The following PTPRN2 variants were observed in gnomAD, a reference collection of about 807,000 sequenced individuals.
The protein encoded by PTPRN2 is receptor-type tyrosine-protein phosphatase N2.
A neutral mutation model predicts 118.8 loss-of-function variants in PTPRN2; 74 were observed. The ratio of observed to expected loss-of-function variants is 0.62; its 90% CI spans 0.52 to 0.76. PTPRN2 has a LOEUF of 0.76. PTPRN2 is among the 30% of genes least tolerant of loss of function. The pLI, the probability that PTPRN2 is intolerant of heterozygous loss-of-function variation, is 0.00. For synonymous variants in PTPRN2, 641 were observed against 608.0 expected (o/e 1.05, Z -0.80); for missense variants, 1,481 against 1,394.4 (o/e 1.06, Z -0.99).
chr7:158,542,912 G>T (rs1826072470), intron 1 of PTPRN2, among the ~76,000 whole-genome samples: 1 of 152,132 alleles, frequency 6.6e-6, no homozygotes. Context: ...AGCTCCAAAG[G>T]GCATCAGGAG....
chr7:158,026,349 G>C (rs1200450670), intron 11 of PTPRN2, among the ~76,000 whole-genome samples: 7 of 152,128 alleles, frequency 4.6e-5, no homozygotes, highest in Non-Finnish European at 7.4e-5. Flanking sequence ...GGGCTCGCTG[G>C]GGGGGACCAT....
chr7:157,928,330 A>C (rs892723), intron 11 of PTPRN2, among the ~76,000 whole-genome samples: 34,992 of 152,068 alleles, frequency 0.23, 4,418 homozygotes, highest in East Asian at 0.37. Context: ...GGTCGCCTGG[A>C]GATCCCACAG....
intron 21 of PTPRN2, among the ~76,000 whole-genome samples, chr7:157,565,766 GA>G (rs1182960651): frequency 6.6e-6 from 1 of 152,164 alleles, no homozygotes; most frequent in Admixed American, 6.5e-5. Context: ...TATCTTGCTT[GA>G]AAAAAACATG....
intron 1 of PTPRN2, among the ~76,000 whole-genome samples, chr7:158,578,648 G>A (rs770625421): frequency 6.6e-5 from 10 of 151,890 alleles, no homozygotes; most frequent in Non-Finnish European, 1.2e-4. Context: ...TCACCCAAAC[G>A]AGGAACACAG....
intron 12 of PTPRN2, among the ~76,000 whole-genome samples, chr7:157,872,753 C>A (rs1811185369): frequency 6.6e-6 from 1 of 152,242 alleles, no homozygotes; most frequent in Non-Finnish European, 1.5e-5. Context: ...AGTCCACATG[C>A]CCCTCCTTGG....
chr7:158,146,769 T>C (rs536240682), intron 6 of PTPRN2, among the ~76,000 whole-genome samples: 1 of 149,600 alleles, frequency 6.7e-6, no homozygotes, highest in Non-Finnish European at 1.5e-5. Flanking sequence ...AATTAAAAGC[T>C]TCATTTTCTT....
At chr7:158,533,973 C>T (rs1825446155) in intron 1 of PTPRN2, among the ~76,000 whole-genome samples, 1 of 152,228 alleles carries the variant, frequency 6.6e-6, no homozygotes, top group South Asian at 2.1e-4. Context: ...GCTACCCTCC[C>T]TGGGCCTCCA....
chr7:158,325,404 T>A (rs996371817), intron 2 of PTPRN2, among the ~76,000 whole-genome samples: 10 of 152,132 alleles, frequency 6.6e-5, no homozygotes, highest in African/African-American at 2.4e-4. Flanking sequence ...TATGGAAATA[T>A]AACAGGACTT....
chr7:157,672,091 C>T (rs778522465), intron 13 of PTPRN2, among the ~76,000 whole-genome samples: 46 of 151,966 alleles, frequency 3.0e-4, no homozygotes, highest in African/African-American at 4.1e-4. Context: ...ACAGGGGCCA[C>T]GGGTCGCACG....
In PTPRN2 at chr7:157,568,971, C is replaced by A. The variant is rs747997930; in HGVS notation, c.2838-5G>T. ...CCGCTCCGGCCTGCACCGTCACTGC[C>A]AACAGAAGGAGAGAAATGAAAGTGC... On this transcript the variant is annotated splice_polypyrimidine_tract_variant and splice_region_variant and intron_variant, in intron 20 of 22. Coordinates refer to ENST00000389418, the MANE Select transcript of PTPRN2 (RefSeq NM_002847.5). 1.3e-6 allele frequency: 2 copies of A among 1,559,722 alleles called. No individual in the cohort carries two copies. Among genetic ancestry groups the A allele is most frequent in the Non-Finnish European group, 1.8e-6 (2 of 1,131,002 alleles).
At chr7:157,753,893 C>T (rs1181699990) in intron 12 of PTPRN2, among the ~76,000 whole-genome samples, 1 of 152,232 alleles carries the variant, frequency 6.6e-6, no homozygotes, top group Non-Finnish European at 1.5e-5. Flanking sequence ...CCATCCGCGG[C>T]CATGGCTGCT....
intron 6 of PTPRN2, among the ~76,000 whole-genome samples, chr7:158,156,011 T>C (rs1821787211): frequency 6.6e-6 from 1 of 152,204 alleles, no homozygotes; most frequent in Admixed American, 6.5e-5. Flanking sequence ...TGCCAGCATG[T>C]TGTCTATTTT....
At chr7:158,263,504 C>G (rs1797675183) in intron 3 of PTPRN2, among the ~76,000 whole-genome samples, 1 of 152,274 alleles carries the variant, frequency 6.6e-6, no homozygotes, top group South Asian at 2.1e-4. Flanking sequence ...CCCATGCTGC[C>G]TGGGTTTGGG....
intron 11 of PTPRN2, among the ~76,000 whole-genome samples, chr7:157,951,715 C>T (rs929354702): frequency 2.0e-5 from 3 of 152,284 alleles, no homozygotes; most frequent in South Asian, 2.1e-4. Context: ...AGCTGCTGTG[C>T]GTCCCTCCTG....
intron 12 of PTPRN2, among the ~76,000 whole-genome samples, chr7:157,706,435 G>T (rs1798332900): frequency 6.6e-6 from 1 of 150,544 alleles, no homozygotes; most frequent in Non-Finnish European, 1.5e-5. Flanking sequence ...GATCAATGTG[G>T]ACCACATCCC....
In PTPRN2 at chr7:157,682,855, G is replaced by A. The variant is rs769526831; in HGVS notation, c.1871C>T (p.Ala624Val). The change falls in exon 13 of 23, where the codon GCC (alanine) becomes GTC (valine). Residue 624 changes from alanine to valine, a missense_variant. Ala to Val is a moderately conservative substitution (Grantham distance 64, BLOSUM62 0). Transcript: ENST00000389418. ...KFIALTLVSL[A>V]CILGVLLASG... Reference sequence around the variant, plus strand: ...GGCCAGGAGGACGCCCAGGATGCAGGCGAGGGAGACCAGGGTGAGCGCGAT... The same window carrying A: ...GGCCAGGAGGACGCCCAGGATGCAGACGAGGGAGACCAGGGTGAGCGCGAT... The A allele has an allele frequency of 3.1e-6, 5 of 1,613,892 alleles. No individual in the cohort carries two copies. The African/African-American group carries it at 4.0e-5, about 13-fold the overall frequency.
chr7:158,021,645 C>A (rs550922917), intron 11 of PTPRN2, among the ~76,000 whole-genome samples: 1 of 152,100 alleles, frequency 6.6e-6, no homozygotes, highest in South Asian at 2.1e-4. Context: ...AAGAGCCAGC[C>A]CTGCCCACAT....
intron 6 of PTPRN2, among the ~76,000 whole-genome samples, chr7:158,150,343 G>C (rs1245606244): frequency 6.6e-6 from 1 of 152,216 alleles, no homozygotes; most frequent in Non-Finnish European, 1.5e-5. Flanking sequence ...CCATTTCTGA[G>C]TACCTGGGCT....
intron 2 of PTPRN2, among the ~76,000 whole-genome samples, chr7:158,425,207 A>C (rs1815622481): frequency 2.9e-5 from 1 of 34,234 alleles, no homozygotes; most frequent in Admixed American, 3.7e-4. Flanking sequence ...CCGCCGGGAA[A>C]GACGCGGTGT....
Sources: gnomAD v4.1 joint callset for allele counts (sites outside exome capture counted in the v4.1 genomes callset) on GRCh38, gnomAD v4.1.1 for gene constraint, MANE v1.5 for transcripts, NCBI Gene and HGNC (gene_info 2026-07-23, HGNC 2026-07-21) for gene names.